EML6: variants seen among roughly 807,000 people sequenced by gnomAD.
EML6 encodes the protein EMAP like 6.
In EML6, 154 loss-of-function variants were observed where a neutral mutation model predicts 240.1. The observed-to-expected ratio is 0.64, with a 90% CI of 0.56 to 0.73. The LOEUF (loss-of-function observed/expected upper bound fraction) is 0.73. Ranked by LOEUF, EML6 falls within the 30% of genes least tolerant of loss-of-function variation. The pLI, the probability that EML6 is intolerant of heterozygous loss-of-function variation, is 0.00. For missense variants in EML6, 2,964 were observed against 2,474.6 expected, an observed-to-expected ratio of 1.20 and a Z score of -4.20; for synonymous variants, 1,148 against 899.0, an observed-to-expected ratio of 1.28 and a Z score of -4.95.
intron 17 of EML6, 37 bp from the exon 18 acceptor site, chr2:54,891,017 C>A: frequency 9.4e-7 from 1 of 1,063,220 alleles, no homozygotes; most frequent in Non-Finnish European, 1.4e-6. Context: ...CTGCTTCCAT[C>A]CAAACTAGAA....
intron 2 of EML6, among the ~76,000 whole-genome samples, chr2:54,791,632 C>G (rs1572902256): frequency 6.6e-6 from 1 of 152,158 alleles, no homozygotes; most frequent in East Asian, 1.9e-4. Context: ...ACCGGTATCC[C>G]TTTTGTTCTT....
chr2:54,917,074 C>T, intron 26 of EML6, 139 bp downstream of exon 26: 1 of 628,646 alleles, frequency 1.6e-6, no homozygotes, highest in East Asian at 2.8e-5. Context: ...ATAAAAACCT[C>T]CCTGACATTG....
intron 2 of EML6, among the ~76,000 whole-genome samples, chr2:54,729,864 C>G (rs1683078090): frequency 6.6e-6 from 1 of 152,190 alleles, no homozygotes; most frequent in Admixed American, 6.5e-5. Flanking sequence ...AGAAACATCC[C>G]CAGCTCGGCC....
chr2:54,920,134 A>C (rs1396924410), intron 26 of EML6, among the ~76,000 whole-genome samples: 1 of 152,182 alleles, frequency 6.6e-6, no homozygotes, highest in East Asian at 1.9e-4. Flanking sequence ...AAGAAGACCA[A>C]ACTAAGCTTC....
intron 10 of EML6, among the ~76,000 whole-genome samples, chr2:54,852,067 G>A (rs1670120606): frequency 6.6e-6 from 1 of 152,188 alleles, no homozygotes; most frequent in South Asian, 2.1e-4. Context: ...CAAGATTTAA[G>A]TCTTCAAAGA....
At chr2:54,939,401 G>T (rs977948337) in intron 28 of EML6, among the ~76,000 whole-genome samples, 1 of 152,226 alleles carries the variant, frequency 6.6e-6, no homozygotes, top group African/African-American at 2.4e-5. Flanking sequence ...TTTAGGAGGG[G>T]TCTAGAGGAT....
At chr2:54,865,092 A>G (rs907349681) in intron 13 of EML6, among the ~76,000 whole-genome samples, 3 of 152,260 alleles carry the variant, frequency 2.0e-5, no homozygotes, top group Non-Finnish European at 4.4e-5. Flanking sequence ...AAACAATATT[A>G]TACTCTGGTA....
At chr2:54,945,810 C>G (rs1675669820) in intron 28 of EML6, among the ~76,000 whole-genome samples, 2 of 152,240 alleles carry the variant, frequency 1.3e-5, no homozygotes, top group Non-Finnish European at 2.9e-5. Flanking sequence ...GGATAAGACT[C>G]CCCACATCTT....
At chr2:54,920,597 C>A (rs1674174302) in intron 26 of EML6, among the ~76,000 whole-genome samples, 2 of 152,056 alleles carry the variant, frequency 1.3e-5, no homozygotes, top group African/African-American at 4.8e-5. Flanking sequence ...TATTGCCAAT[C>A]CTTTTTAAAC....
intron 13 of EML6, among the ~76,000 whole-genome samples, chr2:54,864,519 C>A (rs762767344): frequency 6.6e-6 from 1 of 152,144 alleles, no homozygotes. Flanking sequence ...GAACACATAC[C>A]ACCTTGTTAC....
At chr2:54,914,556 TG>T (rs1673807603) in intron 25 of EML6, among the ~76,000 whole-genome samples, 5 of 30,970 alleles carry the variant, frequency 1.6e-4, no homozygotes, top group Admixed American at 1.4e-3. Flanking sequence ...GCTCTTGCTC[TG>T]AAGAGTTAAG....
In EML6 at chr2:54,964,058, G is replaced by A; in HGVS notation, c.5230G>A (p.Ala1744Thr). ...AAYSPDGEMV[A>T]IGMKNGEFVI... ...CTACAGCCCTGATGGGGAGATGGTG[G>A]CCATTGGCATGAAGAATGGAGAGTT... The change falls in exon 37 of 42, where the codon GCC becomes ACC. Residue 1744 changes from alanine to threonine, a missense_variant. Ala to Thr is a moderately conservative substitution (Grantham distance 58). Coordinates refer to ENST00000356458, the MANE Select transcript of EML6 (RefSeq NM_001039753.4). 1.3e-6 allele frequency: 2 copies of A among 1,551,762 alleles called. No homozygotes were observed. The highest frequency in any genetic ancestry group is 8.7e-7 in the Non-Finnish European group (1 of 1,147,008).
At chr2:54,847,880 T>C in intron 9 of EML6, among the ~76,000 whole-genome samples, 1 of 152,222 alleles carries the variant, frequency 6.6e-6, no homozygotes, top group East Asian at 1.9e-4. Context: ...AATCTCTTAG[T>C]AGAAATAATC....
intron 17 of EML6, among the ~76,000 whole-genome samples, chr2:54,884,241 G>T (rs1019574301): frequency 9.6e-6 from 1 of 103,776 alleles, no homozygotes; most frequent in Non-Finnish European, 2.1e-5. Context: ...AAAGGTTATG[G>T]TTGGGAAGCT....
intron 7 of EML6, among the ~76,000 whole-genome samples, chr2:54,831,046 A>G (rs1668844512): frequency 6.6e-6 from 1 of 152,210 alleles, no homozygotes; most frequent in Non-Finnish European, 1.5e-5. Context: ...AACAGATATA[A>G]GCTTGCAAGT....
chr2:54,801,693 A>G (rs527678466), intron 2 of EML6, among the ~76,000 whole-genome samples: 3 of 147,048 alleles, frequency 2.0e-5, no homozygotes, highest in East Asian at 1.9e-4. Context: ...TTTCATTTCC[A>G]TTTAATGATT....
At chr2:54,821,053 A>G (rs1668311124) in intron 5 of EML6, among the ~76,000 whole-genome samples, 1 of 152,170 alleles carries the variant, frequency 6.6e-6, no homozygotes. Flanking sequence ...TGACATAGCA[A>G]AAATTTCTCC....
rs1174918234 is a variant in EML6, at chr2:54,915,273, G to T, written c.3499-1486G>T. Among the ~76,000 whole-genome samples the T allele has an allele frequency of 2.0e-5, 3 of 152,250 alleles. No homozygotes were observed. The South Asian group carries it at 6.2e-4, about 32-fold the overall frequency. On this transcript the variant is annotated intron_variant, in intron 25 of 41. Transcript: ENST00000356458. ...TGTTGTGTTGGGGTGTCTGCCAGGG[G>T]AGCAATACCAGCTCCCTTTCCTTTC...
At position 54,827,637 on chromosome 2, in the gene EML6, C is replaced by A. The variant is rs1372978523; in HGVS notation, c.597C>A (p.Thr199=). 10 of 1,551,628 alleles carry A rather than the reference C, an allele frequency of 6.4e-6. No homozygotes were observed. The highest frequency in any genetic ancestry group is 8.7e-6 in the Non-Finnish European group (10 of 1,146,928). The change falls in exon 6 of 42, where the codon ACC becomes ACA. Residue 199 remains threonine, a synonymous_variant. Coordinates refer to ENST00000356458, the MANE Select transcript of EML6 (RefSeq NM_001039753.4). Reference sequence around the variant, plus strand: ...TTGGCAAAACAGGGGATCTTCAGACCATCCTTTGCCTTGCATGTGCCAAAG... The same window carrying A: ...TTGGCAAAACAGGGGATCTTCAGACAATCCTTTGCCTTGCATGTGCCAAAG... ...GIFGKTGDLQ[T]ILCLACAKED...
Sources: gnomAD v4.1 joint callset for allele counts (sites outside exome capture counted in the v4.1 genomes callset) on GRCh38, gnomAD v4.1.1 for gene constraint, MANE v1.5 for transcripts, NCBI Gene and HGNC (gene_info 2026-07-23, HGNC 2026-07-21) for gene names.